MAP3K15: variants seen among roughly 807,000 people sequenced by gnomAD.
MAP3K15 encodes the protein mitogen-activated protein kinase kinase kinase 15, also known as MAPK/ERK kinase kinase 15.
In MAP3K15, 124 loss-of-function variants were observed where a neutral mutation model predicts 99.5. The observed-to-expected ratio is 1.25, with a 90% CI of 1.08 to 1.45. The LOEUF is 1.45. MAP3K15 is among the 40% of genes most tolerant of loss of function. The pLI is 0.00. For missense variants in MAP3K15, 1,242 were observed against 1,079.7 expected (o/e 1.15, Z -2.11); for synonymous variants, 494 against 439.6 (o/e 1.12, Z -1.55).
At chrX:19,451,309 T>C (rs1385008906) in intron 6 of MAP3K15, among the ~76,000 whole-genome samples, 1 of 93,877 alleles carries the variant, frequency 1.1e-5, no homozygotes. Flanking sequence ...GAAGATCAGA[T>C]AAATGAGACA....
At chrX:19,413,521 GCC>G in intron 10 of MAP3K15, 57 bp from the exon 11 acceptor site, 1 of 917,932 alleles carries the variant, frequency 1.1e-6, no homozygotes, top group Non-Finnish European at 1.5e-6. Context: ...AGCGCACCCT[GCC>G]CAGCGAGGAG....
intron 28 of MAP3K15, 174 bp downstream of exon 28, chrX:19,361,152 CTGTCACATTCCTA>C: frequency 2.3e-6 from 1 of 433,895 alleles, no homozygotes; most frequent in Non-Finnish European, 4.0e-6. Flanking sequence ...CAGCTCTTCT[CTGTCACATTCCTA>C]TTTCTGACTT....
intron 6 of MAP3K15, among the ~76,000 whole-genome samples, chrX:19,445,954 C>CAATAAATAAATA (rs58332212): frequency 0.012 from 1,210 of 103,577 alleles, 13 homozygotes; most frequent in Non-Finnish European, 0.019. Context: ...TCTCAAAAAT[C>CAATAAATAAATA]AATAAATAAA....
At chrX:19,448,354 G>A (rs1300305316) in intron 6 of MAP3K15, among the ~76,000 whole-genome samples, 2 of 109,190 alleles carry the variant, frequency 1.8e-5, no homozygotes, top group African/African-American at 6.6e-5. Context: ...CAGTCCTTAT[G>A]TCCTCAACTG....
At chrX:19,431,842 T>C (rs984342859) in intron 6 of MAP3K15, among the ~76,000 whole-genome samples, 1 of 108,959 alleles carries the variant, frequency 9.2e-6, no homozygotes, top group African/African-American at 3.4e-5. Flanking sequence ...TACTTGGGAG[T>C]ATGAGGCAGG....
chrX:19,416,193 C>T lies in MAP3K15; in HGVS notation c.1440-936G>A, dbSNP rs780210989. Among the ~76,000 whole-genome samples, 7 of 111,084 alleles carry T rather than the reference C, an allele frequency of 6.3e-5. No homozygotes were observed. The South Asian group carries it at 1.9e-3, about 30-fold the overall frequency. Reference sequence around the variant, plus strand: ...TAAAAATACAAAAATTAGCAGGATGCGGTGGCAGGCGTCTATAGTCCCAAC... The same window carrying T: ...TAAAAATACAAAAATTAGCAGGATGTGGTGGCAGGCGTCTATAGTCCCAAC... On this transcript the variant is annotated intron_variant, in intron 9 of 28. Transcript: ENST00000338883.
At chrX:19,487,807 G>C (rs2064339299) in intron 2 of MAP3K15, among the ~76,000 whole-genome samples, 1 of 111,464 alleles carries the variant, frequency 9.0e-6, no homozygotes, top group Admixed American at 9.5e-5. Flanking sequence ...GTCCAACTTT[G>C]GCATAAAATT....
At chrX:19,427,421 T>C (rs1335811837) in intron 7 of MAP3K15, among the ~76,000 whole-genome samples, 3 of 111,580 alleles carry the variant, frequency 2.7e-5, no homozygotes, top group African/African-American at 6.5e-5. Context: ...CTTTTAACAA[T>C]ATGGAGTTGT....
intron 9 of MAP3K15, among the ~76,000 whole-genome samples, chrX:19,417,354 C>T (rs182851277): frequency 0.033 from 3,698 of 112,031 alleles, 149 homozygotes; most frequent in African/African-American, 0.11. Flanking sequence ...CCTAATACTG[C>T]GCTTTTCCAA....
intron 1 of MAP3K15, among the ~76,000 whole-genome samples, chrX:19,502,971 C>T (rs2064450312): frequency 8.9e-6 from 1 of 111,737 alleles, no homozygotes; most frequent in South Asian, 3.7e-4. Context: ...GCAAGACCGG[C>T]CCAACTTTGA....
chrX:19,413,278 T>A (rs1343756574), intron 11 of MAP3K15, 79 bp downstream of exon 11: 3 of 650,355 alleles, frequency 4.6e-6, no homozygotes, highest in Non-Finnish European at 7.1e-6. Flanking sequence ...TAAACATGGG[T>A]GCCTTTTCCT....
chrX:19,387,859 G>T (rs755402615), intron 18 of MAP3K15, among the ~76,000 whole-genome samples: 2 of 112,699 alleles, frequency 1.8e-5, no homozygotes, highest in South Asian at 7.4e-4. Flanking sequence ...TAAATAACTG[G>T]GAGGAGGGGG....
intron 1 of MAP3K15, among the ~76,000 whole-genome samples, chrX:19,510,447 C>T (rs1281204502): frequency 1.8e-5 from 2 of 112,064 alleles, no homozygotes; most frequent in East Asian, 5.6e-4. Flanking sequence ...ACAAAAACCA[C>T]AATTATCTCA....
At chrX:19,469,311 A>C (rs1454871194) in intron 3 of MAP3K15, among the ~76,000 whole-genome samples, 8 of 112,026 alleles carry the variant, frequency 7.1e-5, no homozygotes, top group African/African-American at 1.9e-4. Flanking sequence ...AGGAGTCCCT[A>C]TTTAATAAAT....
rs1178151551 is a variant in MAP3K15, at chrX:19,360,571, T to C, written c.*178A>G. 14 of 406,304 alleles carry C rather than the reference T, an allele frequency of 3.4e-5. No homozygotes were observed. Among genetic ancestry groups the C allele is most frequent in the Non-Finnish European group, 5.5e-5 (13 of 235,092 alleles). 33.5% of individuals were successfully genotyped at this position (406,304 alleles called of 1,213,427 possible). ...CACAATACACACAGTTCTATGTTTA[T>C]AAATAACAGGTTTCAAAAGAAACTC... On this transcript the variant is annotated 3_prime_UTR_variant, in exon 29 of 29. Transcript: ENST00000338883.
At chrX:19,449,756 C>T (rs926220157) in intron 6 of MAP3K15, among the ~76,000 whole-genome samples, 5 of 109,562 alleles carry the variant, frequency 4.6e-5, no homozygotes, top group African/African-American at 1.3e-4. Context: ...AAATAGTCAT[C>T]TCAGAGGGCC....
chrX:19,495,096 C>T (rs747658579), intron 1 of MAP3K15, among the ~76,000 whole-genome samples: 13 of 111,882 alleles, frequency 1.2e-4, no homozygotes, highest in Middle Eastern at 9.3e-3. Context: ...ACTGCAACCT[C>T]CACCTCCTGG....
intron 6 of MAP3K15, among the ~76,000 whole-genome samples, chrX:19,434,391 A>C (rs2063906941): frequency 1.0e-5 from 1 of 99,198 alleles, no homozygotes; most frequent in African/African-American, 4.5e-5. Flanking sequence ...CACCCAGCTA[A>C]TTTTTTAATT....
intron 6 of MAP3K15, among the ~76,000 whole-genome samples, chrX:19,445,284 A>G (rs1376320910): frequency 9.1e-6 from 1 of 110,189 alleles, no homozygotes; most frequent in Non-Finnish European, 1.9e-5. Context: ...ACATGTATTA[A>G]AAGTTTTTAT....
Sources: allele counts gnomAD v4.1 joint callset (sites outside exome capture counted in the v4.1 genomes callset), GRCh38; gene constraint gnomAD v4.1.1; transcripts MANE v1.5; gene names NCBI Gene and HGNC (gene_info 2026-07-23, HGNC 2026-07-21).